Variants in CELF2 observed in about 807,000 individuals in gnomAD.
The protein encoded by CELF2 is CUG triplet repeat RNA-binding protein 2.
A neutral mutation model predicts 62.6 loss-of-function variants in CELF2; 8 were observed. That is an observed-to-expected ratio of 0.13 (90% CI 0.07 to 0.23). The LOEUF is 0.23. CELF2 is among the 10% of genes least tolerant of loss of function. The probability of loss-of-function intolerance (pLI) is 1.00; values close to 1 mark genes in which losing one functional copy is unlikely to be tolerated. For missense variants in CELF2, 333 were observed against 671.0 expected (o/e 0.50, Z 5.56); for synonymous variants, 258 against 250.0 (o/e 1.03, Z -0.30).
At chr10:10,634,381 T>A in the CELF2 span, among the ~76,000 whole-genome samples, 1 of 152,156 alleles carries the variant, frequency 6.6e-6, no homozygotes, top group Non-Finnish European at 1.5e-5. Context: ...TATAGGAAGT[T>A]TATTTTGTAT....
At chr10:10,590,360 G>A in the CELF2 span, among the ~76,000 whole-genome samples, 3 of 152,136 alleles carry the variant, frequency 2.0e-5, no homozygotes, top group Non-Finnish European at 4.4e-5. Context: ...GTGCTTATGA[G>A]CAAGGAAATG....
chr10:11,263,421 C>T (rs1590109254), intron 5 of CELF2, among the ~76,000 whole-genome samples: 1 of 152,030 alleles, frequency 6.6e-6, no homozygotes, highest in Admixed American at 6.5e-5. Context: ...AGTATGGCTT[C>T]ATTATTTTGA....
At position 11,328,132 on chromosome 10, in the gene CELF2, T is replaced by C. The variant is rs2095850639; in HGVS notation, c.1439-794T>C. Among the ~76,000 whole-genome samples, 1 of 152,168 alleles carries C rather than the reference T, an allele frequency of 6.6e-6. No homozygotes were observed. The highest frequency in any genetic ancestry group is 2.1e-4 in the South Asian group (1 of 4,824). ...GAGGTCGTTGCTACAGAGTAAGAGA[T>C]GGGGAATTCTCTTCAGATGATTAAG... is the stretch of plus-strand genomic sequence containing the variant. On this transcript the variant is annotated intron_variant, in intron 12 of 12. Coordinates refer to ENST00000633077, the MANE Select transcript of CELF2 (RefSeq NM_001326342.2). The surrounding 1 kb of genome is among the most constrained non-coding windows in gnomAD (Gnocchi z 6.4).
At chr10:11,071,070 C>A (rs1347713191) in intron 1 of CELF2, among the ~76,000 whole-genome samples, 1 of 152,170 alleles carries the variant, frequency 6.6e-6, no homozygotes, top group Non-Finnish European at 1.5e-5. Flanking sequence ...ATAAATACAG[C>A]AGTGATCCTA....
the CELF2 span, among the ~76,000 whole-genome samples, chr10:10,495,456 T>G: frequency 6.6e-6 from 1 of 152,152 alleles, no homozygotes; most frequent in Admixed American, 6.5e-5. Flanking sequence ...GCCCCTTTAC[T>G]AGGAACTAGT....
the CELF2 span, among the ~76,000 whole-genome samples, chr10:10,569,904 G>A: frequency 2.6e-5 from 4 of 152,152 alleles, no homozygotes; most frequent in African/African-American, 9.7e-5. Context: ...CTACCCAGCA[G>A]AGACAAACAG....
At chr10:10,736,396 C>CTTTCTTTCTTTTTTTTTT in the CELF2 span, among the ~76,000 whole-genome samples, 23 of 75,984 alleles carry the variant, frequency 3.0e-4, no homozygotes, top group African/African-American at 1.1e-3. Context: ...TTCTTTCTTT[C>CTTTCTTTCTTTTTTTTTT]TTTTTTTTTT....
chr10:10,883,386 T>A (rs915701814), intron 1 of CELF2, among the ~76,000 whole-genome samples: 1 of 152,234 alleles, frequency 6.6e-6, no homozygotes, highest in Non-Finnish European at 1.5e-5. Context: ...AAATTTTCTA[T>A]CCTGTATAAG....
At position 11,075,019 on chromosome 10, in the gene CELF2, C is replaced by T. The variant is rs2773498; in HGVS notation, c.74+56856C>T. ...TTCCCAGTTGGGCTGCAAGAACAAC[C>T]TCTTTGACTCAGAATGGAATTGAAA... On this transcript the variant is annotated intron_variant, in intron 1 of 12. Transcript: ENST00000633077. This position sits in a 1 kb window ranked among gnomAD's most constrained non-coding sequence, Gnocchi z 5.4. 6.6e-6 allele frequency: 1 copy of T among 152,140 alleles called. No individual in the cohort carries two copies. The highest frequency in any genetic ancestry group is 6.5e-5 in the Admixed American group (1 of 15,276). The allele number at this position is 152,140 out of a possible 1,614,324, so 9.4% of individuals were successfully genotyped here.
chr10:10,721,666 T>C, the CELF2 span, among the ~76,000 whole-genome samples: 1 of 152,250 alleles, frequency 6.6e-6, no homozygotes, highest in Non-Finnish European at 1.5e-5. Flanking sequence ...ATATCACCTT[T>C]TAAAAGTTCC....
chr10:11,251,678 C>T (rs1452496614), intron 4 of CELF2, among the ~76,000 whole-genome samples: 2 of 152,070 alleles, frequency 1.3e-5, no homozygotes, highest in East Asian at 3.8e-4. Context: ...ATCAGTGTCT[C>T]TTCAGCTGTG....
At chr10:11,271,639 G>A (rs114263360) in intron 7 of CELF2, among the ~76,000 whole-genome samples, 3,023 of 152,188 alleles carry the variant, frequency 0.02, 90 homozygotes, top group African/African-American at 0.068. Flanking sequence ...TGGAACATAA[G>A]TGCTGGACTT....
At chr10:10,851,048 C>T (rs1380050649) in intron 1 of CELF2, among the ~76,000 whole-genome samples, 1 of 152,128 alleles carries the variant, frequency 6.6e-6, no homozygotes, top group Non-Finnish European at 1.5e-5. Flanking sequence ...TCAAGTGATC[C>T]ATCTGCCTTG....
the CELF2 span, among the ~76,000 whole-genome samples, chr10:10,467,782 A>G: frequency 1.4e-4 from 22 of 152,144 alleles, no homozygotes; most frequent in African/African-American, 5.1e-4. Context: ...GTACATAGGT[A>G]TTTCACTATT....
At chr10:10,594,214 CAA>C in the CELF2 span, among the ~76,000 whole-genome samples, 7 of 152,166 alleles carry the variant, frequency 4.6e-5, no homozygotes, top group Admixed American at 1.3e-4. Context: ...AAAAGAGACA[CAA>C]GAGAAATCGC....
chr10:11,056,018 G>A (rs1241603780), intron 1 of CELF2, among the ~76,000 whole-genome samples: 2 of 152,188 alleles, frequency 1.3e-5, no homozygotes, highest in Non-Finnish European at 2.9e-5. Flanking sequence ...AGTGCATTTA[G>A]AAAGTGCATT....
the CELF2 span, among the ~76,000 whole-genome samples, chr10:10,495,069 G>A: frequency 6.6e-6 from 1 of 152,042 alleles, no homozygotes; most frequent in Non-Finnish European, 1.5e-5. Flanking sequence ...GAGGTCAGGA[G>A]ATCGAGACCA....
At chr10:10,960,788 C>T (rs951127535) in intron 2 of CELF2, among the ~76,000 whole-genome samples, 4 of 152,214 alleles carry the variant, frequency 2.6e-5, no homozygotes, top group African/African-American at 9.7e-5. Context: ...CATGTTATAG[C>T]AAACCTAATA....
chr10:10,844,353 TG>T (rs2058877815), intron 1 of CELF2, among the ~76,000 whole-genome samples: 1 of 152,168 alleles, frequency 6.6e-6, no homozygotes, highest in Admixed American at 6.6e-5. Flanking sequence ...CTGAAAAAGC[TG>T]GAGAAAAATA....
Sources: gnomAD v4.1 joint callset for allele counts (sites outside exome capture counted in the v4.1 genomes callset) on GRCh38, gnomAD v4.1.1 for gene constraint, Gnocchi (gnomAD v3.1) non-coding constraint, MANE v1.5 for transcripts, NCBI Gene and HGNC (gene_info 2026-07-23, HGNC 2026-07-21) for gene names.